KIRREL3: variants seen among roughly 807,000 people sequenced by gnomAD.
The protein encoded by KIRREL3 is kin of IRRE-like protein 3.
KIRREL3 carries 36 observed loss-of-function variants against 89.7 expected under a neutral mutation model. The ratio of observed to expected loss-of-function variants is 0.40; its 90% CI spans 0.31 to 0.53. The LOEUF is 0.53. Among genes scored for constraint, KIRREL3 ranks in the 20% least tolerant of loss-of-function variants. The pLI is 0.49. For missense variants in KIRREL3, 864 were observed against 1,056.6 expected (o/e 0.82, Z 2.53); for synonymous variants, 445 against 441.4 (o/e 1.01, Z -0.10).
chr11:126,865,530 G>C (rs1297906702), intron 1 of KIRREL3, among the ~76,000 whole-genome samples: 1 of 152,240 alleles, frequency 6.6e-6, no homozygotes, highest in South Asian at 2.1e-4. Flanking sequence ...GAATCCCATG[G>C]GGGTGGGGAG....
intron 1 of KIRREL3, among the ~76,000 whole-genome samples, chr11:126,884,755 G>A (rs915185951): frequency 2.0e-5 from 3 of 152,092 alleles, no homozygotes; most frequent in Non-Finnish European, 4.4e-5. Context: ...GATTGTGGAA[G>A]TTCTCAGAAG....
rs1565648332 is a variant in KIRREL3, at chr11:126,684,703, A to G, written c.56-121791T>C. Among the ~76,000 whole-genome samples the G allele has an allele frequency of 6.6e-6, 1 of 152,200 alleles. No individual in the cohort carries two copies. The highest frequency in any genetic ancestry group is 1.5e-5 in the Non-Finnish European group (1 of 68,028). ...CATTTATGATGCCAGTGTGACTTAT[A>G]GTTATCCTGGTAGGTACTGAAGCTT... On this transcript the variant is annotated intron_variant, in intron 1 of 16. Coordinates refer to ENST00000525144, the MANE Select transcript of KIRREL3 (RefSeq NM_032531.4). The surrounding 1 kb of genome is among the most constrained non-coding windows in gnomAD (Gnocchi z 4.2).
At position 126,748,811 on chromosome 11, in the gene KIRREL3, G is replaced by T. The variant is rs1007547169; in HGVS notation, c.56-185899C>A. On this transcript the variant is annotated intron_variant, in intron 1 of 16. Transcript: ENST00000525144. This position sits in a 1 kb window ranked among gnomAD's most constrained non-coding sequence, Gnocchi z 4.6. ...ATCCTTTTGTAATCTGTAGGCTTCA[G>T]TCTATCCAGTGCCTAGCTACTGTGT... Among the ~76,000 whole-genome samples, 1 of 152,182 alleles carries T rather than the reference G, an allele frequency of 6.6e-6. No homozygotes were observed. Among genetic ancestry groups the T allele is most frequent in the African/African-American group, 2.4e-5 (1 of 41,446 alleles).
rs1018247226 is a variant in KIRREL3 at position 126,694,113 on chromosome 11, A to G, written c.56-131201T>C. The stretch of plus-strand genomic sequence containing the variant: ...GCAAGTTGCAGCAGGAGATGGGAGC[A>G]TGGGCTCCATCCCTAAGGGAGCCAC... On this transcript the variant is annotated intron_variant, in intron 1 of 16. Transcript: ENST00000525144. This position sits in a 1 kb window ranked among gnomAD's most constrained non-coding sequence, Gnocchi z 4.4. Among the ~76,000 whole-genome samples the G allele has an allele frequency of 1.3e-5, 2 of 152,254 alleles. No individual in the cohort carries two copies. Among genetic ancestry groups the G allele is most frequent in the Admixed American group, 6.5e-5 (1 of 15,290 alleles).
intron 1 of KIRREL3, among the ~76,000 whole-genome samples, chr11:126,966,481 C>T (rs1248539591): frequency 6.6e-6 from 1 of 152,190 alleles, no homozygotes; most frequent in Non-Finnish European, 1.5e-5. Flanking sequence ...TTATATTTTA[C>T]ATCATGGTAT....
chr11:126,846,941 A>C (rs10893591), intron 1 of KIRREL3, among the ~76,000 whole-genome samples: 129,115 of 152,140 alleles, frequency 0.85, 54,995 homozygotes, highest in East Asian at 1. Flanking sequence ...CCATAAATTA[A>C]ACATTTGAAT....
chr11:126,993,554 C>T lies in KIRREL3; in HGVS notation c.55+6901G>A, dbSNP rs1950098484. On this transcript the variant is annotated intron_variant, in intron 1 of 16. Transcript: ENST00000525144. This position sits in a 1 kb window ranked among gnomAD's most constrained non-coding sequence, Gnocchi z 6.1. Reference sequence around the variant, plus strand: ...TTCAGAACACTCTGACAGCTCTGAACCCATCATATTGTAACCTTAATCGAA... The same window carrying T: ...TTCAGAACACTCTGACAGCTCTGAATCCATCATATTGTAACCTTAATCGAA... Among the ~76,000 whole-genome samples the T allele has an allele frequency of 6.6e-6, 1 of 152,154 alleles. No individual in the cohort carries two copies.
chr11:126,930,817 G>A (rs1397332335), intron 1 of KIRREL3, among the ~76,000 whole-genome samples: 1 of 152,142 alleles, frequency 6.6e-6, no homozygotes, highest in Non-Finnish European at 1.5e-5. Flanking sequence ...CCAGGATTGT[G>A]TCCCTACCCC....
In KIRREL3 at chr11:126,903,971, G is replaced by C. The variant is rs1398020068; in HGVS notation, c.55+96484C>G. 6.6e-6 allele frequency among the ~76,000 whole-genome samples: 1 copy of C among 152,124 alleles called. No individual in the cohort carries two copies. Among genetic ancestry groups the C allele is most frequent in the Non-Finnish European group, 1.5e-5 (1 of 68,014 alleles). On this transcript the variant is annotated intron_variant, in intron 1 of 16. Coordinates refer to ENST00000525144, the MANE Select transcript of KIRREL3 (RefSeq NM_032531.4). This position sits in a 1 kb window ranked among gnomAD's most constrained non-coding sequence, Gnocchi z 4.5. ...GAACAGAACCAGTTCTTTACAAGGT[G>C]ACCCTATAATAGCTATCCCCTTGGT...
At chr11:126,958,519 T>C (rs1192854670) in intron 1 of KIRREL3, among the ~76,000 whole-genome samples, 1 of 152,198 alleles carries the variant, frequency 6.6e-6, no homozygotes, top group African/African-American at 2.4e-5. Flanking sequence ...GCCCCATCCC[T>C]ACCTGGGTGT....
chr11:126,996,456 T>A lies in KIRREL3; in HGVS notation c.55+3999A>T, dbSNP rs1270234651. On this transcript the variant is annotated intron_variant, in intron 1 of 16. Transcript: ENST00000525144. This position sits in a 1 kb window ranked among gnomAD's most constrained non-coding sequence, Gnocchi z 4.7. ...CTGATGTGTTCAGGCTCTCTTCCGATGCCTCCCCAACCCTGCCCCTCCCAA... is the reference window on the plus strand; with the variant it reads ...CTGATGTGTTCAGGCTCTCTTCCGAAGCCTCCCCAACCCTGCCCCTCCCAA... Among the ~76,000 whole-genome samples the A allele has an allele frequency of 6.6e-6, 1 of 152,208 alleles. No homozygotes were observed. Among genetic ancestry groups the A allele is most frequent in the Non-Finnish European group, 1.5e-5 (1 of 68,036 alleles).
chr11:126,851,281 T>C (rs1432039024), intron 1 of KIRREL3, among the ~76,000 whole-genome samples: 1 of 152,224 alleles, frequency 6.6e-6, no homozygotes, highest in Non-Finnish European at 1.5e-5. Flanking sequence ...GGTGGTTCAC[T>C]GGAAAATGTC....
rs984295878 is a variant in KIRREL3 at position 126,508,888 on chromosome 11, C to T, written c.433+12427G>A. Among the ~76,000 whole-genome samples, 4 of 152,146 alleles carry T rather than the reference C, an allele frequency of 2.6e-5. No individual in the cohort carries two copies. The highest frequency in any genetic ancestry group is 7.2e-5 in the African/African-American group (3 of 41,414). On this transcript the variant is annotated intron_variant, in intron 4 of 16. Transcript: ENST00000525144. The surrounding 1 kb of genome is among the most constrained non-coding windows in gnomAD (Gnocchi z 4.9). ...GTGCCTGTCATAGAGTGGCAGCTCACCAGCGTCACCCTTGCCCTTCTCTCT... is the reference window on the plus strand; with the variant it reads ...GTGCCTGTCATAGAGTGGCAGCTCATCAGCGTCACCCTTGCCCTTCTCTCT...
At position 126,666,896 on chromosome 11, in the gene KIRREL3, G is replaced by GAGAGGGCTTAGCCAACAGTCTC. The variant is rs1259332215; in HGVS notation, c.56-104006_56-103985dup. 3.3e-5 allele frequency among the ~76,000 whole-genome samples: 5 copies of GAGAGGGCTTAGCCAACAGTCTC among 152,208 alleles called. No individual in the cohort carries two copies. Among genetic ancestry groups the GAGAGGGCTTAGCCAACAGTCTC allele is most frequent in the Non-Finnish European group, 4.4e-5 (3 of 68,036 alleles). Reference sequence around the variant, plus strand: ...GTTTGATGAAAGGTCCCTGGGGAATGAGAGGGCTTAGCCAACAGTCTCAGG... The same window carrying GAGAGGGCTTAGCCAACAGTCTC: ...GTTTGATGAAAGGTCCCTGGGGAATGAGAGGGCTTAGCCAACAGTCTCAGAGGGCTTAGCCAACAGTCTCAGG... On this transcript the variant is annotated intron_variant, in intron 1 of 16. Coordinates refer to ENST00000525144, the MANE Select transcript of KIRREL3 (RefSeq NM_032531.4). This position sits in a 1 kb window ranked among gnomAD's most constrained non-coding sequence, Gnocchi z 4.2.
rs756545626 is a variant in KIRREL3, at chr11:126,821,351, A to ATATATATATATGTG, written c.55+179103_55+179104insCACATATATATATA. 2.8e-3 allele frequency among the ~76,000 whole-genome samples: 291 copies of ATATATATATATGTG among 105,220 alleles called. 18 individuals carry two copies. The highest frequency in any genetic ancestry group is 8.5e-3 in the African/African-American group (195 of 23,028). The allele number at this position is 105,220 out of a possible 152,430, so 69.0% of individuals were successfully genotyped here. A position where few individuals can be genotyped will look rare whatever the true frequency, so the allele number is the denominator to read the frequency against. On this transcript the variant is annotated intron_variant, in intron 1 of 16. Transcript: ENST00000525144. ...ACAGTATATATATATATATATATAT[A>ATATATATATATGTG]TGTAACTTCCAACCAACATCCCTTC...
rs1160417077 is a variant in KIRREL3 at position 126,948,726 on chromosome 11, C to T, written c.55+51729G>A. ...CTGGATGGAAATACAAGGTGACTGA[C>T]GCCATCCATAGGGTAAACAAAGTGG... On this transcript the variant is annotated intron_variant, in intron 1 of 16. Coordinates refer to ENST00000525144, the MANE Select transcript of KIRREL3 (RefSeq NM_032531.4). This position sits in a 1 kb window ranked among gnomAD's most constrained non-coding sequence, Gnocchi z 4.5. Among the ~76,000 whole-genome samples, 1 of 152,146 alleles carries T rather than the reference C, an allele frequency of 6.6e-6. No homozygotes were observed. Among genetic ancestry groups the T allele is most frequent in the East Asian group, 1.9e-4 (1 of 5,194 alleles).
rs747432483 is a variant in KIRREL3, at chr11:126,489,230, C to T, written c.434-15764G>A. Among the ~76,000 whole-genome samples the T allele has an allele frequency of 8.5e-5, 13 of 152,256 alleles. No homozygotes were observed. The highest frequency in any genetic ancestry group is 2.2e-4 in the African/African-American group (9 of 41,562). ...CATGGGAATCACTGCTGGCTGGACC[C>T]GGGTGCCTGGCTCGATGGGAGCTTC... On this transcript the variant is annotated intron_variant, in intron 4 of 16. Coordinates refer to ENST00000525144, the MANE Select transcript of KIRREL3 (RefSeq NM_032531.4). This position sits in a 1 kb window ranked among gnomAD's most constrained non-coding sequence, Gnocchi z 5.5.
intron 1 of KIRREL3, among the ~76,000 whole-genome samples, chr11:126,947,860 G>A (rs1009603212): frequency 6.6e-6 from 1 of 152,208 alleles, no homozygotes; most frequent in Non-Finnish European, 1.5e-5. Context: ...TTTGACCTCA[G>A]TCTAAATAGG....
chr11:126,986,532 C>T (rs115154292), intron 1 of KIRREL3, among the ~76,000 whole-genome samples: 1,983 of 152,260 alleles, frequency 0.013, 37 homozygotes, highest in African/African-American at 0.045. Flanking sequence ...TCTATGGCTA[C>T]TCTTAGAGAC....
Sources: gnomAD v4.1 joint callset for allele counts (sites outside exome capture counted in the v4.1 genomes callset) on GRCh38, gnomAD v4.1.1 for gene constraint, Gnocchi (gnomAD v3.1) non-coding constraint, MANE v1.5 for transcripts, NCBI Gene and HGNC (gene_info 2026-07-23, HGNC 2026-07-21) for gene names.